Variants in IQCH observed in about 807,000 individuals in gnomAD.
IQCH encodes IQ domain-containing protein H.
IQCH carries 98 observed loss-of-function variants against 117.0 expected under a neutral mutation model. That is an observed-to-expected ratio of 0.84 (90% confidence interval 0.71 to 0.99). The LOEUF (loss-of-function observed/expected upper bound fraction) is 0.99, where lower values mean the gene tolerates loss of function less well. Ranked by LOEUF, IQCH falls within the 50% of genes least tolerant of loss-of-function variation. IQCH has a pLI of 0.00. For missense variants in IQCH, 1,102 were observed against 1,243.8 expected (o/e 0.89, Z 1.72); for synonymous variants, 412 against 448.2 (o/e 0.92, Z 1.02).
intron 5 of IQCH, among the ~76,000 whole-genome samples, chr15:67,340,980 G>A (rs867912100): frequency 6.6e-6 from 1 of 152,348 alleles, no homozygotes; most frequent in Middle Eastern, 3.4e-3. Context: ...AGGCTGTGAA[G>A]GTAGACGGAT....
intron 8 of IQCH, among the ~76,000 whole-genome samples, chr15:67,367,351 G>A (rs1191872712): frequency 1.3e-5 from 2 of 152,014 alleles, no homozygotes; most frequent in Non-Finnish European, 2.9e-5. Flanking sequence ...GCTTGGGCAA[G>A]ATAGTGAGAC....
chr15:67,289,050 A>G (rs150533855), intron 4 of IQCH, among the ~76,000 whole-genome samples: 38 of 152,264 alleles, frequency 2.5e-4, no homozygotes, highest in African/African-American at 8.9e-4. Context: ...GGGGAACCCA[A>G]TGAGTTCCTC....
At chr15:67,371,373 T>C (rs1229646361) in intron 8 of IQCH, 6 of 742,950 alleles carry the variant, frequency 8.1e-6, no homozygotes, top group Non-Finnish European at 1.2e-5. Flanking sequence ...GCTTAAAATG[T>C]CAATACAGGT....
intron 6 of IQCH, among the ~76,000 whole-genome samples, chr15:67,345,177 G>T (rs1330449695): frequency 6.6e-6 from 1 of 152,122 alleles, no homozygotes; most frequent in African/African-American, 2.4e-5. Context: ...TTTTAGTAGA[G>T]ATGAGGTTTC....
chr15:67,401,662 T>G lies in IQCH; in HGVS notation c.2097+1357T>G, dbSNP rs1390543195. On this transcript the variant is annotated intron_variant, in intron 14 of 20. Transcript: ENST00000335894. The surrounding 1 kb of genome is among the most constrained non-coding windows in gnomAD (Gnocchi z 4.7). ...TTCCCTTTGACAAATGTGACTGGTT[T>G]CCCCATGATCTATTCTGGGCTTCGT... Among the ~76,000 whole-genome samples, 2 of 152,196 alleles carry G rather than the reference T, an allele frequency of 1.3e-5. No individual in the cohort carries two copies. The highest frequency in any genetic ancestry group is 2.4e-5 in the African/African-American group (1 of 41,454).
chr15:67,343,028 A>G (rs906080396), intron 5 of IQCH, among the ~76,000 whole-genome samples: 13 of 152,230 alleles, frequency 8.5e-5, no homozygotes, highest in African/African-American at 2.2e-4. Flanking sequence ...CAAGTGAACT[A>G]TTTTTCAGCT....
intron 6 of IQCH, among the ~76,000 whole-genome samples, chr15:67,345,395 A>G (rs1969342904): frequency 6.6e-6 from 1 of 152,200 alleles, no homozygotes; most frequent in African/African-American, 2.4e-5. Context: ...CACATCCAAA[A>G]TAGAGTACGG....
intron 16 of IQCH, among the ~76,000 whole-genome samples, chr15:67,449,376 T>G (rs1458732598): frequency 6.6e-6 from 1 of 152,160 alleles, no homozygotes; most frequent in Non-Finnish European, 1.5e-5. Context: ...TTTAAGTCTT[T>G]AATCCATCTT....
intron 7 of IQCH, 29 bp downstream of exon 7, chr15:67,357,450 A>C: frequency 7.3e-7 from 1 of 1,367,796 alleles, no homozygotes; most frequent in Non-Finnish European, 1.0e-6. Context: ...ATAGAAAGAA[A>C]ATTATTCTTA....
chr15:67,318,587 C>T (rs1967961908), intron 4 of IQCH, among the ~76,000 whole-genome samples: 1 of 152,128 alleles, frequency 6.6e-6, no homozygotes, highest in Admixed American at 6.5e-5. Flanking sequence ...GGCAAAAGGC[C>T]TCTTTTTTTC....
chr15:67,269,375 G>A (rs1226261187), intron 3 of IQCH, among the ~76,000 whole-genome samples: 1 of 152,076 alleles, frequency 6.6e-6, no homozygotes, highest in Non-Finnish European at 1.5e-5. Context: ...CATAATACTT[G>A]TATATATTTT....
chr15:67,395,341 CAAAAGAATAAAA>C lies in IQCH; in HGVS notation c.1686_1697del (p.Lys562_Lys565del). On this transcript the variant is annotated inframe_deletion, in exon 13 of 21. Transcript: ENST00000335894. The surrounding 1 kb of genome is among the most constrained non-coding windows in gnomAD (Gnocchi z 4.0). ...ACCTGATGTACAGTCCCAAGGCAAT[CAAAAGAATAAAA>C]AATCTCATCCGAGGAACAGAGGCCT... is the stretch of plus-strand genomic sequence containing the variant. 6.2e-7 allele frequency: 1 copy of C among 1,613,982 alleles called. No individual in the cohort carries two copies. The highest frequency in any genetic ancestry group is 1.1e-5 in the South Asian group (1 of 91,058).
At chr15:67,483,642 AC>A (rs1488349735) in intron 18 of IQCH, among the ~76,000 whole-genome samples, 26 of 152,286 alleles carry the variant, frequency 1.7e-4, no homozygotes, top group Admixed American at 1.4e-3. Flanking sequence ...TGACCTCATG[AC>A]CTTGATCTCT....
chr15:67,389,044 C>T (rs1282246629), intron 12 of IQCH, 38 bp downstream of exon 12: 6 of 1,526,038 alleles, frequency 3.9e-6, no homozygotes, highest in Admixed American at 1.8e-5. Flanking sequence ...TTCAGGGATG[C>T]AGTAAAATTA....
intron 18 of IQCH, among the ~76,000 whole-genome samples, chr15:67,482,206 CTAATCAA>C (rs2083357796): frequency 1.6e-5 from 2 of 123,050 alleles, no homozygotes; most frequent in Non-Finnish European, 3.3e-5. Context: ...GGGATCAGAA[CTAATCAA>C]GGAACATTTC....
Position 67,366,125 on chromosome 15 carries a change from C to T in IQCH, c.754-5986C>T, listed in dbSNP as rs1343979063. On this transcript the variant is annotated intron_variant, in intron 8 of 20. Coordinates refer to ENST00000335894, the MANE Select transcript of IQCH (RefSeq NM_001031715.3). This position sits in a 1 kb window ranked among gnomAD's most constrained non-coding sequence, Gnocchi z 4.4. ...TTTGAGGCTTGCTCTTTTTCCCATA[C>T]GTGTAGAGAAAATTATGATGTGTCT... is the stretch of plus-strand genomic sequence containing the variant. 1.3e-5 allele frequency among the ~76,000 whole-genome samples: 2 copies of T among 152,044 alleles called. No homozygotes were observed. The highest frequency in any genetic ancestry group is 1.5e-5 in the Non-Finnish European group (1 of 68,008).
At chr15:67,461,227 T>A (rs967193026) in intron 16 of IQCH, among the ~76,000 whole-genome samples, 2 of 151,996 alleles carry the variant, frequency 1.3e-5, no homozygotes, top group African/African-American at 4.8e-5. Context: ...AATACAAGAA[T>A]AGGATTAAAT....
Position 67,433,016 on chromosome 15 carries a change from CAG to C in IQCH, c.2505+11442_2505+11443del, listed in dbSNP as rs2082050359. ...TTTTATTTATATGGAAGAAGGCTAA[CAG>C]AGTATATCTAAATTAAAATGTAATA... is the stretch of plus-strand genomic sequence containing the variant. On this transcript the variant is annotated intron_variant, in intron 16 of 20. Coordinates refer to ENST00000335894, the MANE Select transcript of IQCH (RefSeq NM_001031715.3). The surrounding 1 kb of genome is among the most constrained non-coding windows in gnomAD (Gnocchi z 5.4). Among the ~76,000 whole-genome samples the C allele has an allele frequency of 6.6e-6, 1 of 152,130 alleles. No individual in the cohort carries two copies. The highest frequency in any genetic ancestry group is 1.5e-5 in the Non-Finnish European group (1 of 68,022).
At chr15:67,277,298 T>C (rs1966162455) in intron 3 of IQCH, among the ~76,000 whole-genome samples, 1 of 152,212 alleles carries the variant, frequency 6.6e-6, no homozygotes, top group Non-Finnish European at 1.5e-5. Flanking sequence ...ATCTCTGGCA[T>C]AGCTGAATCT....
Sources: gnomAD v4.1 joint callset for allele counts (sites outside exome capture counted in the v4.1 genomes callset) on GRCh38, gnomAD v4.1.1 for gene constraint, Gnocchi (gnomAD v3.1) non-coding constraint, MANE v1.5 for transcripts, NCBI Gene and HGNC (gene_info 2026-07-23, HGNC 2026-07-21) for gene names.